DLG2: variants seen among roughly 807,000 people sequenced by gnomAD.
DLG2 encodes the protein discs large MAGUK scaffold protein 2.
In DLG2, 45 loss-of-function variants were observed where a neutral mutation model predicts 132.5. The ratio of observed to expected loss-of-function variants is 0.34; its 90% CI spans 0.27 to 0.44. DLG2 has a LOEUF of 0.44. Among genes scored for constraint, DLG2 ranks in the 20% least tolerant of loss-of-function variants. DLG2 has a pLI of 1.00. For synonymous variants in DLG2, 424 were observed against 419.6 expected, an observed-to-expected ratio of 1.01 and a Z score of -0.13; for missense variants, 1,045 against 1,196.9, an observed-to-expected ratio of 0.87 and a Z score of 1.87.
intron 6 of DLG2, among the ~76,000 whole-genome samples, chr11:84,825,971 A>T (rs1265165347): frequency 6.6e-6 from 1 of 151,854 alleles, no homozygotes; most frequent in African/African-American, 2.4e-5. Context: ...TAATGGTTTG[A>T]TATATAACAT....
intron 6 of DLG2, among the ~76,000 whole-genome samples, chr11:85,026,779 G>T (rs1276294547): frequency 1.3e-5 from 2 of 152,112 alleles, no homozygotes; most frequent in East Asian, 3.9e-4. Context: ...AGAGCTTACA[G>T]TGAGTTGAGA....
chr11:84,598,735 T>TG (rs1012869197), intron 6 of DLG2, among the ~76,000 whole-genome samples: 20 of 149,586 alleles, frequency 1.3e-4, no homozygotes, highest in Admixed American at 1.3e-3. Flanking sequence ...GATACCAGCC[T>TG]GGAAAACACA....
intron 15 of DLG2, among the ~76,000 whole-genome samples, chr11:83,916,032 A>G (rs2076864048): frequency 6.6e-6 from 1 of 152,154 alleles, no homozygotes; most frequent in African/African-American, 2.4e-5. Context: ...ACTTGGCATA[A>G]TCTTTTCATG....
At chr11:84,506,091 T>TTTTTTTTTTTTTTTTTA in intron 7 of DLG2, among the ~76,000 whole-genome samples, 1 of 141,426 alleles carries the variant, frequency 7.1e-6, no homozygotes, top group Non-Finnish European at 1.5e-5. Flanking sequence ...TTTTTTTTTT[T>TTTTTTTTTTTTTTTTTA]TTGAGACGGA....
chr11:84,843,611 A>G (rs2080990841), intron 6 of DLG2, among the ~76,000 whole-genome samples: 1 of 151,916 alleles, frequency 6.6e-6, no homozygotes, highest in Admixed American at 6.6e-5. Context: ...CTTTATATAA[A>G]ATGGTATAGT....
chr11:84,963,326 T>C (rs1271821729), intron 6 of DLG2, among the ~76,000 whole-genome samples: 2 of 152,172 alleles, frequency 1.3e-5, no homozygotes, highest in African/African-American at 2.4e-5. Flanking sequence ...ATCTGCACTA[T>C]ATTGTAATTT....
In DLG2 at chr11:84,108,975, T is replaced by C. The variant is rs146179454; in HGVS notation, c.625-9928A>G. 2.7e-3 allele frequency among the ~76,000 whole-genome samples: 404 copies of C among 152,210 alleles called. 3 individuals carry two copies. Among genetic ancestry groups the C allele is most frequent in the Non-Finnish European group, 4.4e-3 (300 of 68,012 alleles). On this transcript the variant is annotated intron_variant, in intron 9 of 27. Coordinates refer to ENST00000376104, the MANE Select transcript of DLG2 (RefSeq NM_001142699.3). Reference sequence around the variant, plus strand: ...GTGACACATAGCTGGACAGGGATGCTGTGTATGAGATAAGAAGACTGTGGT... The same window carrying C: ...GTGACACATAGCTGGACAGGGATGCCGTGTATGAGATAAGAAGACTGTGGT...
chr11:83,798,165 G>A (rs1487757115), intron 17 of DLG2, among the ~76,000 whole-genome samples: 2 of 152,198 alleles, frequency 1.3e-5, no homozygotes, highest in East Asian at 3.9e-4. Context: ...AGTGTCCTGG[G>A]AAGAATACTG....
intron 18 of DLG2, chr11:83,724,944 T>C: frequency 1.4e-6 from 1 of 702,362 alleles, no homozygotes; most frequent in Non-Finnish European, 2.6e-6. Context: ...CTGGTTGAGC[T>C]GCTTGGTGTA....
chr11:85,012,663 C>G (rs1331428740), intron 6 of DLG2, among the ~76,000 whole-genome samples: 1 of 151,876 alleles, frequency 6.6e-6, no homozygotes, highest in Non-Finnish European at 1.5e-5. Flanking sequence ...ATAGATAAAT[C>G]ATTGCTTTTG....
At chr11:84,326,518 T>C (rs936272307) in intron 7 of DLG2, among the ~76,000 whole-genome samples, 2 of 152,172 alleles carry the variant, frequency 1.3e-5, no homozygotes, top group African/African-American at 4.8e-5. Context: ...AATTTCCTCA[T>C]GTGTAAATTT....
At chr11:84,016,183 T>C (rs1359565170) in intron 11 of DLG2, among the ~76,000 whole-genome samples, 1 of 152,194 alleles carries the variant, frequency 6.6e-6, no homozygotes, top group African/African-American at 2.4e-5. Context: ...CTGTCTTCCT[T>C]TGAGAAATGT....
At chr11:84,327,891 T>C (rs1246525197) in intron 7 of DLG2, among the ~76,000 whole-genome samples, 1 of 152,226 alleles carries the variant, frequency 6.6e-6, no homozygotes, top group African/African-American at 2.4e-5. Context: ...ATAAATATGC[T>C]CTTGTCCAAA....
In DLG2 at chr11:83,874,487, G is replaced by C. The variant is rs1238812339; in HGVS notation, c.1498C>G (p.His500Asp). ...CGAGTTGCGGTGCTATGTTGGGAAT[G>C]ACTGCAAGAAAAGACAGAAGAAACA... is the stretch of plus-strand genomic sequence containing the variant. ...GLLPDSEMTS[H>D]SQHSTATRQP... The change falls in exon 16 of 28, where the codon CAT becomes GAT. Residue 500 changes from histidine (H) to aspartate (D), a missense_variant and splice_region_variant. Around this residue, in one of 4 missense-constraint regions of DLG2, gnomAD observed 261 missense variants for 256.1 expected, o/e 1.02. Coordinates refer to ENST00000376104, the MANE Select transcript of DLG2 (RefSeq NM_001142699.3). The C allele has an allele frequency of 6.3e-7, 1 of 1,595,090 alleles. No individual in the cohort carries two copies. Among genetic ancestry groups the C allele is most frequent in the Non-Finnish European group, 8.6e-7 (1 of 1,168,940 alleles).
At chr11:85,193,751 G>T (rs1187623047) in intron 4 of DLG2, among the ~76,000 whole-genome samples, 1 of 152,098 alleles carries the variant, frequency 6.6e-6, no homozygotes, top group Non-Finnish European at 1.5e-5. Flanking sequence ...ACTTGTAAGA[G>T]TTCTTATATA....
intron 15 of DLG2, among the ~76,000 whole-genome samples, chr11:83,899,875 G>T (rs1330844357): frequency 6.6e-6 from 1 of 152,228 alleles, no homozygotes; most frequent in Non-Finnish European, 1.5e-5. Flanking sequence ...GGCTGGAACA[G>T]TTCGGAGGGC....
At chr11:83,583,791 A>G (rs143591699) in intron 19 of DLG2, among the ~76,000 whole-genome samples, 874 of 152,328 alleles carry the variant, frequency 5.7e-3, no homozygotes, top group Admixed American at 0.012. Flanking sequence ...TCATTAATAA[A>G]GTAATGAATG....
intron 6 of DLG2, among the ~76,000 whole-genome samples, chr11:84,754,963 TC>T (rs2066663398): frequency 6.6e-6 from 1 of 152,100 alleles, no homozygotes; most frequent in African/African-American, 2.4e-5. Flanking sequence ...AAAAATAAAG[TC>T]CAAAAATGAA....
intron 3 of DLG2, among the ~76,000 whole-genome samples, chr11:85,432,575 A>G (rs1277661210): frequency 6.6e-6 from 1 of 151,962 alleles, no homozygotes; most frequent in Non-Finnish European, 1.5e-5. Flanking sequence ...TCAAGCAGAA[A>G]AAAGAGTATC....
Sources: allele counts gnomAD v4.1 joint callset (sites outside exome capture counted in the v4.1 genomes callset), GRCh38; gene constraint gnomAD v4.1.1; regional missense constraint gnomAD v4.1.1; transcripts MANE v1.5; gene names NCBI Gene and HGNC (gene_info 2026-07-23, HGNC 2026-07-21).